RHPN1: variants seen among roughly 807,000 people sequenced by gnomAD.
RHPN1 encodes rhophilin-1.
Under a neutral mutation model 74.7 loss-of-function variants are expected in RHPN1, and 77 were observed. The ratio of observed to expected loss-of-function variants is 1.03; its 90% CI spans 0.86 to 1.25. RHPN1 has a LOEUF of 1.25. Among genes scored for constraint, RHPN1 ranks in the 50% most tolerant of loss-of-function variants. RHPN1 has a pLI of 0.00. For missense variants in RHPN1, 987 were observed against 932.2 expected, an observed-to-expected ratio of 1.06 and a Z score of -0.77; for synonymous variants, 444 against 414.5, an observed-to-expected ratio of 1.07 and a Z score of -0.87.
At position 143,383,955 on chromosome 8, in the gene RHPN1, C is replaced by T. The variant is rs1818905703; in HGVS notation, c.*1304C>T. 1 of 152,396 alleles carries T rather than the reference C, an allele frequency of 6.6e-6. No individual in the cohort carries two copies. The highest frequency in any genetic ancestry group is 2.1e-4 in the South Asian group (1 of 4,830). 9.4% of individuals were successfully genotyped at this position (152,396 alleles called of 1,614,324 possible). On this transcript the variant is annotated 3_prime_UTR_variant, in exon 15 of 15. Transcript: ENST00000289013. ...GCATCCCAGGCTCTGGTTCCAGGGTCCAGGGCCCTGCGCTGCCACCTCCCT... is the reference window on the plus strand; with the variant it reads ...GCATCCCAGGCTCTGGTTCCAGGGTTCAGGGCCCTGCGCTGCCACCTCCCT...
In RHPN1 at chr8:143,378,827, G is replaced by A; in HGVS notation, c.584+7G>A. 1.3e-6 allele frequency: 2 copies of A among 1,563,960 alleles called. No individual in the cohort carries two copies. ...TCGGGCTCTTCTTCCACTGGTAGGG[G>A]CTCTGCGGGCGGAGGCACCCTGGGG... On this transcript the variant is annotated splice_region_variant and intron_variant, in intron 6 of 14. Transcript: ENST00000289013.
In RHPN1 at chr8:143,383,457, TCC is replaced by T. The variant is rs1234578366; in HGVS notation, c.*807_*808del. 3 of 152,276 alleles carry T rather than the reference TCC, an allele frequency of 2.0e-5. No homozygotes were observed. Among genetic ancestry groups the T allele is most frequent in the African/African-American group, 7.2e-5 (3 of 41,454 alleles). The allele number at this position is 152,276 out of a possible 1,614,324, so 9.4% of individuals were successfully genotyped here. A position where few individuals can be genotyped will look rare whatever the true frequency, so the allele number is the denominator to read the frequency against. On this transcript the variant is annotated 3_prime_UTR_variant, in exon 15 of 15. Transcript: ENST00000289013. ...CCTGCTTGGGCCGCTCCTGCTGGCCTCCACAGGCCGTGAGCTGTCAGTGTCTC... is the reference window on the plus strand; with the variant it reads ...CCTGCTTGGGCCGCTCCTGCTGGCCTACAGGCCGTGAGCTGTCAGTGTCTC...
In RHPN1 at chr8:143,378,951, C is replaced by G. The variant is rs1163451854; in HGVS notation, c.624C>G (p.Ala208=). 1.3e-6 allele frequency: 2 copies of G among 1,576,456 alleles called. No individual in the cohort carries two copies. The highest frequency in any genetic ancestry group is 1.7e-6 in the Non-Finnish European group (2 of 1,161,972). ...CTGGGGTCCCGGCCCAGCAGCGTGC[C>G]CTGGCCTTCGAGAAGGGCAGCGTTC... ...SLTGVPAQQR[A]LAFEKGSVLF... The change falls in exon 7 of 15, where the codon GCC becomes GCG. Residue 208 remains alanine, a synonymous_variant. Coordinates refer to ENST00000289013, the MANE Select transcript of RHPN1 (RefSeq NM_052924.3).
At chr8:143,381,480 C>T in intron 12 of RHPN1, 92 bp from the exon 13 acceptor site, 1 of 1,495,686 alleles carries the variant, frequency 6.7e-7, no homozygotes, top group East Asian at 2.3e-5. Context: ...CCACGGTGTC[C>T]CTCGGTGCAC....
Position 143,379,826 on chromosome 8 carries a change from C to T in RHPN1, c.946-3C>T, listed in dbSNP as rs922859225. ...CTCGCGTGCCTGCCACATCCACCGGCAGGTGGCAGCCGAGTACAGGCTAGT... is the reference window on the plus strand; with the variant it reads ...CTCGCGTGCCTGCCACATCCACCGGTAGGTGGCAGCCGAGTACAGGCTAGT... On this transcript the variant is annotated splice_region_variant and splice_polypyrimidine_tract_variant and intron_variant, in intron 8 of 14. Coordinates refer to ENST00000289013, the MANE Select transcript of RHPN1 (RefSeq NM_052924.3). 5 of 1,606,420 alleles carry T rather than the reference C, an allele frequency of 3.1e-6. No homozygotes were observed. The highest frequency in any genetic ancestry group is 2.5e-6 in the Non-Finnish European group (3 of 1,176,732).
Position 143,382,527 on chromosome 8 carries a change from G to A in RHPN1, c.1889G>A (p.Ser630Asn), listed in dbSNP as rs1319999721. The A allele has an allele frequency of 6.2e-7, 1 of 1,610,784 alleles. No homozygotes were observed. Among genetic ancestry groups the A allele is most frequent in the South Asian group, 1.1e-5 (1 of 90,744 alleles). Residue 630 changes from serine to asparagine, a missense_variant, in exon 15 of 15, where the codon AGT becomes AAT. By Grantham distance (46) the Ser-to-Asn change is conservative. Coordinates refer to ENST00000289013, the MANE Select transcript of RHPN1 (RefSeq NM_052924.3). ...GCKTPASTWASPRPLLNWSRK... is the reference protein window; with the variant it reads ...GCKTPASTWANPRPLLNWSRK... ...AAGACCCCGGCATCCACGTGGGCCA[G>A]TCCCCGGCCCCTCCTCAACTGGAGC...
chr8:143,376,220 TGAGTGCTGTC>T (rs1244531210), intron 2 of RHPN1, among the ~76,000 whole-genome samples: 1 of 152,222 alleles, frequency 6.6e-6, no homozygotes, highest in Non-Finnish European at 1.5e-5. Context: ...GAGTGATGTT[TGAGTGCTGTC>T]GAGGGCTGTA....
In RHPN1 at chr8:143,381,887, G is replaced by C; in HGVS notation, c.1716G>C (p.Val572=). ...PCRWWRHAEV[V]TELKAAGEAG... ...GGTGGTGGAGACACGCGGAGGTGGT[G>C]ACGGAGCTGAAGGCTGCGGGAGAGG... Residue 572 remains valine (V), a synonymous_variant, in exon 14 of 15, where the codon GTG becomes GTC. Coordinates refer to ENST00000289013, the MANE Select transcript of RHPN1 (RefSeq NM_052924.3). 1 of 1,612,958 alleles carries C rather than the reference G, an allele frequency of 6.2e-7. No homozygotes were observed. The highest frequency in any genetic ancestry group is 8.5e-7 in the Non-Finnish European group (1 of 1,179,728).
At chr8:143,382,157 G>C (rs1471831411) in intron 14 of RHPN1, among the ~76,000 whole-genome samples, 189 bp downstream of exon 14, 1 of 152,220 alleles carries the variant, frequency 6.6e-6, no homozygotes, top group Non-Finnish European at 1.5e-5. Context: ...CCCTGACCCC[G>C]AGGATGCTGC....
At chr8:143,374,431 A>C in intron 1 of RHPN1, 1 of 657,012 alleles carries the variant, frequency 1.5e-6, no homozygotes, top group Non-Finnish European at 1.9e-6. Flanking sequence ...GACTGGCAGA[A>C]ATGGCCAGGT....
chr8:143,381,643 G>A lies in RHPN1; in HGVS notation c.1560G>A (p.Glu520=). ...GGCCCGTCCACCTGACCCGAGGAGA[G>A]GGCGGCTTTGGCCTCACGCTTCGGG... ...LVGPVHLTRG[E]GGFGLTLRGD... is the part of the protein sequence containing the mutation. Residue 520 remains glutamate (E), a synonymous_variant, in exon 13 of 15, where the codon GAG becomes GAA. Transcript: ENST00000289013. 6.2e-7 allele frequency: 1 copy of A among 1,611,166 alleles called. No homozygotes were observed. Among genetic ancestry groups the A allele is most frequent in the Non-Finnish European group, 8.5e-7 (1 of 1,179,346 alleles).
chr8:143,377,092 ATGTG>A (rs570067400), intron 3 of RHPN1, among the ~76,000 whole-genome samples: 2 of 142,618 alleles, frequency 1.4e-5, no homozygotes, highest in East Asian at 2.2e-4. Context: ...GTGTGCATAT[ATGTG>A]TGTGCGTGCG....
Position 143,375,545 on chromosome 8 carries a change from C to G in RHPN1, c.61-8C>G. On this transcript the variant is annotated splice_region_variant and splice_polypyrimidine_tract_variant and intron_variant, in intron 1 of 14. Transcript: ENST00000289013. ...GTCGGGCTGTGATCGCCTGTGGCCT[C>G]CCTGCAGGGCTGTGACTCCCTGACG... is the stretch of plus-strand genomic sequence containing the variant. The G allele has an allele frequency of 6.4e-7, 1 of 1,574,320 alleles. No individual in the cohort carries two copies. Among genetic ancestry groups the G allele is most frequent in the Non-Finnish European group, 8.6e-7 (1 of 1,164,420 alleles).
At chr8:143,381,406 C>G in intron 12 of RHPN1, 62 bp downstream of exon 12, 1 of 1,516,668 alleles carries the variant, frequency 6.6e-7, no homozygotes, top group South Asian at 1.2e-5. Flanking sequence ...TGGCTCTGAC[C>G]AGCACATGGC....
chr8:143,379,884 A>T lies in RHPN1; in HGVS notation c.1001A>T (p.Asp334Val), dbSNP rs780656353. ...ACCATGGCCCAGCCACCCGTCCACG[A>T]CTACGTGCCTGTCTCCTGGACTGCC... ...HRTMAQPPVH[D>V]YVPVSWTALV... Residue 334 changes from aspartate to valine, a missense_variant, in exon 9 of 15, where the codon GAC becomes GTC. Asp to Val is a radical substitution (Grantham distance 152). Coordinates refer to ENST00000289013, the MANE Select transcript of RHPN1 (RefSeq NM_052924.3). 2 of 1,610,470 alleles carry T rather than the reference A, an allele frequency of 1.2e-6. No individual in the cohort carries two copies. The highest frequency in any genetic ancestry group is 1.7e-6 in the Non-Finnish European group (2 of 1,178,842).
chr8:143,375,508 G>A (rs72703712), intron 1 of RHPN1, 45 bp from the exon 2 acceptor site: 380,377 of 1,383,968 alleles, frequency 0.27, 55,198 homozygotes, highest in Non-Finnish European at 0.3. Context: ...AGCCTGGTGC[G>A]GGCGCCACGG....
upstream of RHPN1, chr8:143,367,152 C>A (rs1817573029): frequency 6.6e-6 from 1 of 152,020 alleles, no homozygotes; most frequent in Non-Finnish European, 1.5e-5. Context: ...AGCTGAAGGG[C>A]TCCCAGGGAG....
upstream of RHPN1, among the ~76,000 whole-genome samples, chr8:143,365,648 C>T (rs1294430648): frequency 6.6e-6 from 1 of 152,182 alleles, no homozygotes; most frequent in East Asian, 1.9e-4. Context: ...TCTGCATGTT[C>T]CTGGTTGCAG....
chr8:143,381,448 T>A (rs944739581), intron 12 of RHPN1, 104 bp downstream of exon 12: 4 of 1,453,232 alleles, frequency 2.8e-6, no homozygotes, highest in Non-Finnish European at 2.8e-6. Flanking sequence ...GGTCCAGCCC[T>A]CCCCACCCAC....
Sources: gnomAD v4.1 joint callset for allele counts (sites outside exome capture counted in the v4.1 genomes callset) on GRCh38, gnomAD v4.1.1 for gene constraint, MANE v1.5 for transcripts, NCBI Gene and HGNC (gene_info 2026-07-23, HGNC 2026-07-21) for gene names.